PRKCQ: variants seen among roughly 807,000 people sequenced by gnomAD.
The protein encoded by PRKCQ is protein kinase C theta, also known as protein kinase C theta type.
In PRKCQ, 41 loss-of-function variants were observed where a neutral mutation model predicts 91.2. The observed-to-expected ratio is 0.45, with a 90% CI of 0.35 to 0.58. PRKCQ has a LOEUF of 0.58. Ranked by LOEUF, PRKCQ falls within the 20% of genes least tolerant of loss-of-function variation. The pLI is 0.00. For missense variants in PRKCQ, 673 were observed against 896.5 expected, an observed-to-expected ratio of 0.75 and a Z score of 3.18; for synonymous variants, 307 against 316.9, an observed-to-expected ratio of 0.97 and a Z score of 0.33.
intron 12 of PRKCQ, among the ~76,000 whole-genome samples, chr10:6,471,164 C>T (rs11819303): frequency 4.6e-5 from 7 of 152,080 alleles, no homozygotes; most frequent in Admixed American, 6.5e-5. Context: ...TCCGCTCCCC[C>T]CTGTGCCCAG....
chr10:6,563,300 T>C (rs1024911498), intron 1 of PRKCQ, among the ~76,000 whole-genome samples: 4 of 152,050 alleles, frequency 2.6e-5, no homozygotes, highest in Non-Finnish European at 4.4e-5. Context: ...GTCTACTGCA[T>C]GCCTACTATG....
chr10:6,512,439 T>C (rs1208639212), intron 2 of PRKCQ, among the ~76,000 whole-genome samples: 1 of 152,254 alleles, frequency 6.6e-6, no homozygotes, highest in Non-Finnish European at 1.5e-5. Flanking sequence ...GAAACCTCCC[T>C]AAAGCCGCTC....
the PRKCQ span, among the ~76,000 whole-genome samples, chr10:6,404,482 CTT>C: frequency 1.4e-4 from 18 of 125,464 alleles, 1 homozygote; most frequent in South Asian, 4.5e-3. Context: ...TTTTTTCTTT[CTT>C]TCTCTCTTTC....
chr10:6,572,694 C>T (rs6602848), intron 1 of PRKCQ, among the ~76,000 whole-genome samples: 2 of 152,024 alleles, frequency 1.3e-5, no homozygotes, highest in Admixed American at 6.6e-5. Context: ...AATGAACATA[C>T]GTGTGCATGT....
At chr10:6,515,275 C>G (rs764014812) in intron 1 of PRKCQ, 131 bp from the exon 2 acceptor site, 22 of 1,538,888 alleles carry the variant, frequency 1.4e-5, no homozygotes, top group Non-Finnish European at 1.8e-5. Flanking sequence ...TCCATGTGAA[C>G]AAATGTTTTC....
intron 1 of PRKCQ, among the ~76,000 whole-genome samples, chr10:6,533,522 T>C (rs989192114): frequency 1.3e-5 from 2 of 152,260 alleles, no homozygotes; most frequent in Admixed American, 1.3e-4. Flanking sequence ...CGCTGTACAT[T>C]CTATGGATAA....
chr10:6,570,706 C>T (rs1203200834), intron 1 of PRKCQ, among the ~76,000 whole-genome samples: 1 of 152,062 alleles, frequency 6.6e-6, no homozygotes, highest in Non-Finnish European at 1.5e-5. Flanking sequence ...AGGTATGCGC[C>T]AGCACGCCTG....
chr10:6,518,255 ATAGAGG>A (rs1364898288), intron 1 of PRKCQ, among the ~76,000 whole-genome samples: 1 of 152,244 alleles, frequency 6.6e-6, no homozygotes. Flanking sequence ...TACAGAGATT[ATAGAGG>A]TAAAGTAAAA....
the PRKCQ span, among the ~76,000 whole-genome samples, chr10:6,398,868 C>G: frequency 6.6e-6 from 1 of 152,112 alleles, no homozygotes; most frequent in Non-Finnish European, 1.5e-5. Flanking sequence ...ATCCTCCCAC[C>G]TTAGCTTCCC....
the PRKCQ span, among the ~76,000 whole-genome samples, chr10:6,414,904 A>G: frequency 6.6e-6 from 1 of 152,176 alleles, no homozygotes; most frequent in Non-Finnish European, 1.5e-5. Context: ...CAGAAAATAC[A>G]TTTAAAGAAA....
At chr10:6,570,176 C>A (rs138050553) in intron 1 of PRKCQ, among the ~76,000 whole-genome samples, 1 of 151,916 alleles carries the variant, frequency 6.6e-6, no homozygotes, top group African/African-American at 2.4e-5. Context: ...TAGAACTCCA[C>A]GGGAATCGGC....
chr10:6,523,537 T>G (rs1839094356), intron 1 of PRKCQ, among the ~76,000 whole-genome samples: 1 of 152,160 alleles, frequency 6.6e-6, no homozygotes, highest in Non-Finnish European at 1.5e-5. Context: ...AACCGAAGGC[T>G]AACAGTCAAC....
chr10:6,451,304 C>T (rs1318107701), intron 15 of PRKCQ, among the ~76,000 whole-genome samples: 4 of 151,984 alleles, frequency 2.6e-5, no homozygotes, highest in Admixed American at 6.6e-5. Flanking sequence ...AACACCTCTA[C>T]ACAAATAAAC....
Position 6,576,358 on chromosome 10 carries a change from A to G in PRKCQ, c.-10+3853T>C, listed in dbSNP as rs1417278052. On this transcript the variant is annotated intron_variant, in intron 1 of 17. Coordinates refer to ENST00000263125, the MANE Select transcript of PRKCQ (RefSeq NM_006257.5). The surrounding 1 kb of genome is among the most constrained non-coding windows in gnomAD (Gnocchi z 4.2). ...GTGGTATATCCATAAATGGAATAGT[A>G]TTCAGACTTAAAAAGGAAGGAAGTC... Among the ~76,000 whole-genome samples the G allele has an allele frequency of 6.6e-6, 1 of 152,252 alleles. No individual in the cohort carries two copies. Among genetic ancestry groups the G allele is most frequent in the Non-Finnish European group, 1.5e-5 (1 of 68,036 alleles).
chr10:6,458,169 T>G (rs1471747152), intron 14 of PRKCQ, among the ~76,000 whole-genome samples: 1 of 152,208 alleles, frequency 6.6e-6, no homozygotes, highest in East Asian at 1.9e-4. Flanking sequence ...CTCCTGACAT[T>G]AAGCAATCCT....
At chr10:6,445,185 T>C (rs1242623658) in intron 15 of PRKCQ, among the ~76,000 whole-genome samples, 1 of 145,342 alleles carries the variant, frequency 6.9e-6, no homozygotes, top group Non-Finnish European at 1.5e-5. Context: ...GAAAGCCAGA[T>C]GTTTTGATGT....
At chr10:6,488,387 C>CTT (rs71391841) in intron 8 of PRKCQ, among the ~76,000 whole-genome samples, 1 of 140,686 alleles carries the variant, frequency 7.1e-6, no homozygotes, top group African/African-American at 2.6e-5. Flanking sequence ...ATAACTATTA[C>CTT]TTTTTTTTTT....
intron 1 of PRKCQ, among the ~76,000 whole-genome samples, chr10:6,579,144 C>T (rs1057133790): frequency 3.9e-5 from 6 of 152,208 alleles, no homozygotes; most frequent in African/African-American, 1.4e-4. Flanking sequence ...GCGGACTTCT[C>T]AGATCTTGTA....
chr10:6,525,452 A>G (rs944150009), intron 1 of PRKCQ, among the ~76,000 whole-genome samples: 1 of 152,172 alleles, frequency 6.6e-6, no homozygotes, highest in Non-Finnish European at 1.5e-5. Context: ...CATTAAAAGT[A>G]TTGGCAAAAA....
Sources: allele counts gnomAD v4.1 joint callset (sites outside exome capture counted in the v4.1 genomes callset), GRCh38; gene constraint gnomAD v4.1.1; non-coding constraint Gnocchi (gnomAD v3.1); transcripts MANE v1.5; gene names NCBI Gene and HGNC (gene_info 2026-07-23, HGNC 2026-07-21).